Variants in C4orf33 observed in about 807,000 individuals in gnomAD.
C4orf33 encodes UPF0462 protein C4orf33.
C4orf33 carries 20 observed loss-of-function variants against 24.3 expected under a neutral mutation model. The observed-to-expected ratio is 0.82, with a 90% CI of 0.58 to 1.19. C4orf33 has a LOEUF of 1.19. Among genes scored for constraint, C4orf33 ranks in the 50% most tolerant of loss-of-function variants. C4orf33 has a pLI of 0.00. For synonymous variants in C4orf33, 67 were observed against 76.4 expected (o/e 0.88, Z 0.64); for missense variants, 207 against 225.9 (o/e 0.92, Z 0.54).
chr4:129,094,166 A>G (rs1753095627), upstream of C4orf33: 1 of 152,222 alleles, frequency 6.6e-6, no homozygotes, highest in African/African-American at 2.4e-5. Context: ...TTCTTCAAAG[A>G]TAAGCTTGTT....
intron 2 of C4orf33, among the ~76,000 whole-genome samples, chr4:129,104,407 A>T (rs942485621): frequency 6.6e-6 from 1 of 152,184 alleles, no homozygotes; most frequent in Non-Finnish European, 1.5e-5. Flanking sequence ...ATTTAAACTC[A>T]TCCTTCAGCT....
chr4:129,102,859 AT>A, intron 2 of C4orf33, 68 bp downstream of exon 2: 2 of 1,410,638 alleles, frequency 1.4e-6, no homozygotes, highest in Non-Finnish European at 1.9e-6. Flanking sequence ...CAGAACTATT[AT>A]TTTATCTTGC....
upstream of C4orf33, among the ~76,000 whole-genome samples, chr4:129,095,030 A>G (rs1173336540): frequency 6.6e-6 from 1 of 152,224 alleles, no homozygotes; most frequent in Non-Finnish European, 1.5e-5. Context: ...GTATTTACAT[A>G]AAGTGAATAT....
At chr4:129,096,608 C>T (rs1166656754) in intron 1 of C4orf33, among the ~76,000 whole-genome samples, 3 of 152,064 alleles carry the variant, frequency 2.0e-5, no homozygotes, top group African/African-American at 7.2e-5. Flanking sequence ...TCTCTTCCTT[C>T]GTTTCCTTTT....
rs919437065 is a variant in C4orf33 at position 129,112,363 on chromosome 4, C to G, written c.*572C>G. The G allele has an allele frequency of 6.6e-6, 1 of 152,128 alleles. No individual in the cohort carries two copies. Among genetic ancestry groups the G allele is most frequent in the African/African-American group, 2.4e-5 (1 of 41,428 alleles). 9.4% of individuals were successfully genotyped at this position (152,128 alleles called of 1,614,324 possible). On this transcript the variant is annotated 3_prime_UTR_variant, in exon 6 of 6. Coordinates refer to ENST00000425929, the MANE Select transcript of C4orf33 (RefSeq NM_001099783.2). Reference sequence around the variant, plus strand: ...AAAACATTAAGTTGAGCAAAACAAACCAAACATAACATACTATCTAATTAC... The same window carrying G: ...AAAACATTAAGTTGAGCAAAACAAAGCAAACATAACATACTATCTAATTAC...
At chr4:129,101,420 G>T (rs956398636) in intron 1 of C4orf33, among the ~76,000 whole-genome samples, 1 of 152,028 alleles carries the variant, frequency 6.6e-6, no homozygotes, top group Admixed American at 6.6e-5. Flanking sequence ...AGTTTGGAAA[G>T]GTTATCAGGT....
At chr4:129,107,505 T>C (rs1753553417) in intron 3 of C4orf33, among the ~76,000 whole-genome samples, 1 of 152,010 alleles carries the variant, frequency 6.6e-6, no homozygotes, top group Non-Finnish European at 1.5e-5. Context: ...CTCCAAACAA[T>C]TGATTTAAAT....
intron 2 of C4orf33, among the ~76,000 whole-genome samples, chr4:129,106,283 C>A (rs906909785): frequency 3.3e-5 from 5 of 151,898 alleles, no homozygotes; most frequent in Non-Finnish European, 4.4e-5. Flanking sequence ...AAGATAAATT[C>A]CTAGAAGAAG....
chr4:129,110,641 T>C (rs1276798914), intron 5 of C4orf33, among the ~76,000 whole-genome samples: 1 of 152,204 alleles, frequency 6.6e-6, no homozygotes, highest in Non-Finnish European at 1.5e-5. Context: ...CCTTTTAACC[T>C]GTGGAATGTG....
rs143843994 is a variant in C4orf33, at chr4:129,102,870, C to T, written c.181+79C>T. ...CTCACAGAACTATTATTTTATCTTGCTGTTGGGAAGTAAGTGCTTCTGAGC... is the reference window on the plus strand; with the variant it reads ...CTCACAGAACTATTATTTTATCTTGTTGTTGGGAAGTAAGTGCTTCTGAGC... On this transcript the variant is annotated intron_variant, in intron 2 of 5. Coordinates refer to ENST00000425929, the MANE Select transcript of C4orf33 (RefSeq NM_001099783.2). The T allele has an allele frequency of 1.3e-5, 17 of 1,349,226 alleles. No homozygotes were observed. The African/African-American group carries it at 2.2e-4, about 17-fold the overall frequency. The allele number at this position is 1,349,226 out of a possible 1,614,324, so 83.6% of individuals were successfully genotyped here.
upstream of C4orf33, among the ~76,000 whole-genome samples, chr4:129,095,156 T>C (rs73848905): frequency 0.014 from 2,155 of 152,284 alleles, 52 homozygotes; most frequent in African/African-American, 0.046. Context: ...ATTTTAGTAG[T>C]TGAATTTTAA....
At chr4:129,106,683 A>G (rs1753529864) in intron 3 of C4orf33, 36 bp downstream of exon 3, 7 of 1,093,556 alleles carry the variant, frequency 6.4e-6, no homozygotes, top group African/African-American at 3.2e-5. Context: ...TTATTACTAC[A>G]TAATTTGAAC....
chr4:129,106,497 T>C (rs1214784240), intron 2 of C4orf33, 90 bp from the exon 3 acceptor site: 1 of 655,176 alleles, frequency 1.5e-6, no homozygotes, highest in African/African-American at 1.9e-5. Flanking sequence ...TAAGAATAGT[T>C]AATTCATTTT....
intron 1 of C4orf33, among the ~76,000 whole-genome samples, chr4:129,098,924 A>G (rs1039010116): frequency 7.2e-5 from 11 of 152,084 alleles, no homozygotes; most frequent in African/African-American, 2.4e-4. Flanking sequence ...TAATTAATGT[A>G]TAATGAGCAG....
At chr4:129,102,562 T>C (rs776651850) in intron 1 of C4orf33, 40 bp from the exon 2 acceptor site, 2 of 1,411,900 alleles carry the variant, frequency 1.4e-6, no homozygotes, top group Admixed American at 2.1e-5. Flanking sequence ...AAAACATTTG[T>C]ATATTGTTAA....
intron 2 of C4orf33, 119 bp downstream of exon 2, chr4:129,102,910 G>A: frequency 1.3e-6 from 1 of 764,644 alleles, no homozygotes; most frequent in Admixed American, 3.1e-5. Context: ...GACATGTACA[G>A]TTTCTGATAT....
rs55919581 is a variant in C4orf33 at position 129,097,109 on chromosome 4, A to G, written c.-10+900A>G. ...TTTTTAGTAGAGACGGGGTTTCACC[A>G]TGTTCGCCAGGATGGTCTCGATCTC... On this transcript the variant is annotated intron_variant, in intron 1 of 5. Coordinates refer to ENST00000425929, the MANE Select transcript of C4orf33 (RefSeq NM_001099783.2). Among the ~76,000 whole-genome samples, 572 of 152,198 alleles carry G rather than the reference A, an allele frequency of 3.8e-3. 1 individual carries two copies. The highest frequency in any genetic ancestry group is 0.011 in the African/African-American group (472 of 41,534).
In C4orf33 at chr4:129,113,268, A is replaced by C. The variant is rs1401435194; in HGVS notation, c.*1477A>C. ...AAATTTGTTTAGATGTTTTTTAAAC[A>C]TCTCTTAACTTTCTTTCATCTAGAT... On this transcript the variant is annotated 3_prime_UTR_variant, in exon 6 of 6. Coordinates refer to ENST00000425929, the MANE Select transcript of C4orf33 (RefSeq NM_001099783.2). The C allele has an allele frequency of 6.6e-6, 1 of 152,202 alleles. No individual in the cohort carries two copies. Among genetic ancestry groups the C allele is most frequent in the Non-Finnish European group, 1.5e-5 (1 of 68,016 alleles). 9.4% of individuals were successfully genotyped at this position (152,202 alleles called of 1,614,324 possible).
chr4:129,108,198 T>A (rs921676481), intron 3 of C4orf33, among the ~76,000 whole-genome samples: 2 of 152,152 alleles, frequency 1.3e-5, no homozygotes, highest in African/African-American at 4.8e-5. Context: ...ATACTTGGCT[T>A]CTGTTAGAAT....
Sources: allele counts gnomAD v4.1 joint callset (sites outside exome capture counted in the v4.1 genomes callset), GRCh38; gene constraint gnomAD v4.1.1; transcripts MANE v1.5; gene names NCBI Gene and HGNC (gene_info 2026-07-23, HGNC 2026-07-21).